Variants in MAST2 observed in about 807,000 individuals in gnomAD.
MAST2 encodes the protein microtubule associated serine/threonine kinase 2.
MAST2 carries 70 observed loss-of-function variants against 147.4 expected under a neutral mutation model. The ratio of observed to expected loss-of-function variants is 0.47; its 90% CI spans 0.39 to 0.58. The LOEUF (loss-of-function observed/expected upper bound fraction) is 0.58. Among genes scored for constraint, MAST2 ranks in the 20% least tolerant of loss-of-function variants. The probability of loss-of-function intolerance (pLI) is 0.00; values close to 1 mark genes in which losing one functional copy is unlikely to be tolerated. For missense variants in MAST2, 2,080 were observed against 2,302.3 expected, an observed-to-expected ratio of 0.90 and a Z score of 1.98; for synonymous variants, 869 against 896.8, an observed-to-expected ratio of 0.97 and a Z score of 0.55.
At chr1:45,814,882 G>A (rs1644406585) in intron 1 of MAST2, among the ~76,000 whole-genome samples, 1 of 152,176 alleles carries the variant, frequency 6.6e-6, no homozygotes, top group East Asian at 1.9e-4. Context: ...ACTTTAATTT[G>A]TGCATTTTCC....
At chr1:45,959,918 C>G (rs572004876) in intron 5 of MAST2, among the ~76,000 whole-genome samples, 1 of 152,182 alleles carries the variant, frequency 6.6e-6, no homozygotes, top group East Asian at 1.9e-4. Context: ...ATAACAAAAG[C>G]AAGAGGAGTA....
At chr1:45,847,218 A>G in intron 3 of MAST2, 1 of 529,590 alleles carries the variant, frequency 1.9e-6, no homozygotes, top group Non-Finnish European at 3.9e-6. Context: ...TGGAATCTCA[A>G]AGCCACATCC....
chr1:45,924,122 G>C (rs1259657425), intron 4 of MAST2, among the ~76,000 whole-genome samples: 1 of 152,118 alleles, frequency 6.6e-6, no homozygotes, highest in African/African-American at 2.4e-5. Context: ...GCCCACTTCA[G>C]CCTCCCAAAG....
intron 3 of MAST2, among the ~76,000 whole-genome samples, chr1:45,880,095 A>G (rs1646778221): frequency 6.6e-6 from 1 of 152,214 alleles, no homozygotes; most frequent in African/African-American, 2.4e-5. Context: ...CCTTTAACTG[A>G]GTAATTCTAC....
rs147853267 is a variant in MAST2, at chr1:45,843,162, A to C, written c.468+13581A>C. The stretch of plus-strand genomic sequence containing the variant: ...ATTTTTTTGTTGTTTTAAGTTTGTT[A>C]TATATTCTGGGTATTAGACCCTTAG... On this transcript the variant is annotated intron_variant, in intron 3 of 28. Coordinates refer to ENST00000361297, the MANE Select transcript of MAST2 (RefSeq NM_015112.3). Among the ~76,000 whole-genome samples, 490 of 151,810 alleles carry C rather than the reference A, an allele frequency of 3.2e-3. 4 individuals are homozygous for C. The highest frequency in any genetic ancestry group is 0.011 in the African/African-American group (451 of 41,414).
intron 19 of MAST2, 96 bp downstream of exon 19, chr1:46,029,663 G>A: frequency 7.2e-7 from 1 of 1,382,216 alleles, no homozygotes; most frequent in East Asian, 2.3e-5. Flanking sequence ...GTTACGGGCA[G>A]CCCCTCTGGA....
intron 9 of MAST2, among the ~76,000 whole-genome samples, chr1:46,009,953 AT>A (rs548132389): frequency 1.0e-3 from 155 of 152,300 alleles, no homozygotes; most frequent in Non-Finnish European, 1.1e-3. Context: ...TGTATCTGTC[AT>A]TTTGACATGA....
At chr1:45,962,381 C>T (rs1296009325) in intron 5 of MAST2, among the ~76,000 whole-genome samples, 1 of 151,862 alleles carries the variant, frequency 6.6e-6, no homozygotes, top group Non-Finnish European at 1.5e-5. Context: ...GTTTACAGTC[C>T]CACCAACAGT....
At chr1:45,812,446 T>C (rs1173988253) in intron 1 of MAST2, among the ~76,000 whole-genome samples, 1 of 135,708 alleles carries the variant, frequency 7.4e-6, no homozygotes, top group African/African-American at 2.8e-5. Context: ...TTTTTTTTTT[T>C]AGACGGAGTC....
In MAST2 at chr1:46,034,173, G is replaced by A; in HGVS notation, c.3775G>A (p.Glu1259Lys). 1.2e-6 allele frequency: 2 copies of A among 1,614,136 alleles called. No homozygotes were observed. The highest frequency in any genetic ancestry group is 1.7e-5 in the Admixed American group (1 of 60,014). The change falls in exon 28 of 29, where the codon GAG becomes AAG. Residue 1259 changes from glutamate (E) to lysine (K), a missense_variant. Around this residue, in one of 4 missense-constraint regions of MAST2, gnomAD observed 1,278 missense variants for 1,304.2 expected, o/e 0.98. Coordinates refer to ENST00000361297, the MANE Select transcript of MAST2 (RefSeq NM_015112.3). ...CCTTAACCGCTCCTTGTCATCAGGG[G>A]AGAGTGGGCCAGGCTCTCCCACACA... ...SSLNRSLSSG[E>K]SGPGSPTHSH...
rs1045874435 is a variant in MAST2 at position 46,019,773 on chromosome 1, A to C, written c.1290+76A>C. 6 of 1,253,102 alleles carry C rather than the reference A, an allele frequency of 4.8e-6. No individual in the cohort carries two copies. The African/African-American group carries it at 8.9e-5, about 18-fold the overall frequency. 77.6% of individuals were successfully genotyped at this position (1,253,102 alleles called of 1,614,324 possible). The stretch of plus-strand genomic sequence containing the variant: ...GAGGAAGTATCCTGATGACAGCAAA[A>C]CTGTGGTGGTAACCACTGCCATTTC... On this transcript the variant is annotated intron_variant, in intron 11 of 28. Coordinates refer to ENST00000361297, the MANE Select transcript of MAST2 (RefSeq NM_015112.3).
chr1:45,820,325 G>A (rs746840239), intron 1 of MAST2, among the ~76,000 whole-genome samples: 18 of 152,316 alleles, frequency 1.2e-4, no homozygotes, highest in South Asian at 8.3e-4. Context: ...TACCCCACAT[G>A]CAGAGGCAAC....
At chr1:45,968,766 T>G (rs1643752654) in intron 5 of MAST2, among the ~76,000 whole-genome samples, 1 of 152,090 alleles carries the variant, frequency 6.6e-6, no homozygotes, top group Non-Finnish European at 1.5e-5. Context: ...TTTTATGTCA[T>G]TATTGCTTCA....
Position 46,031,211 on chromosome 1 carries a change from G to A in MAST2, c.2913G>A (p.Gly971=), listed in dbSNP as rs1302007155. The change falls in exon 23 of 29, where the codon GGG becomes GGA. Residue 971 remains glycine, a synonymous_variant. Transcript: ENST00000361297. The surrounding 1 kb of genome is among the most constrained non-coding windows in gnomAD (Gnocchi z 4.1). ...CCCCATCTGGAGAGGGGGTATCTGG[G>A]CCTGTCACTGAACACTCAGGGGAGC... ...LTPPSGEGVS[G]PVTEHSGEQR... 2.6e-6 allele frequency: 4 copies of A among 1,556,894 alleles called. No homozygotes were observed. The South Asian group carries it at 3.6e-5, about 14-fold the overall frequency.
rs903478715 is a variant in MAST2, at chr1:46,030,238, G to A, written c.2553G>A (p.Lys851=). The A allele has an allele frequency of 1.2e-6, 2 of 1,613,882 alleles. No individual in the cohort carries two copies. The highest frequency in any genetic ancestry group is 1.7e-6 in the Non-Finnish European group (2 of 1,179,866). ...QFSSCSPRFN[K]VYSSMERLSL... ...CTTCCTGCTCTCCAAGGTTCAACAA[G>A]GTGTGACTGAGGAGGCCCAGAATGG... The change falls in exon 21 of 29, where the codon AAG becomes AAA. Residue 851 remains lysine, a splice_region_variant and synonymous_variant. Transcript: ENST00000361297.
chr1:45,863,957 C>G (rs930152291), intron 3 of MAST2, among the ~76,000 whole-genome samples: 6 of 152,164 alleles, frequency 3.9e-5, no homozygotes, highest in African/African-American at 1.2e-4. Flanking sequence ...AGATCAGCAA[C>G]TTTCCTTTGT....
chr1:46,025,648 T>G (rs1435484715), intron 15 of MAST2, 29 bp from the exon 16 acceptor site: 2 of 1,613,544 alleles, frequency 1.2e-6, no homozygotes, highest in Non-Finnish European at 1.7e-6. Flanking sequence ...ACTGAATCCT[T>G]TCCTCATGGT....
intron 5 of MAST2, among the ~76,000 whole-genome samples, chr1:45,960,744 T>A (rs959695148): frequency 2.0e-5 from 3 of 152,166 alleles, no homozygotes; most frequent in African/African-American, 7.2e-5. Flanking sequence ...AACCTACAGT[T>A]AGTGGCAATT....
Position 46,010,910 on chromosome 1 carries a change from C to A in MAST2, c.1159C>A (p.Gln387Lys). The change falls in exon 10 of 29, where the codon CAA becomes AAA. Residue 387 changes from glutamine to lysine, a missense_variant. Transcript: ENST00000361297. ...TACATCACAATACTTCTACGAACTT[C>A]AAGATAATTTGGAGAAACTTTTACA... ...LITSQYFYEL[Q>K]DNLEKLLQDA... is the part of the protein sequence containing the mutation. The A allele has an allele frequency of 6.2e-7, 1 of 1,614,156 alleles. No individual in the cohort carries two copies. The highest frequency in any genetic ancestry group is 8.5e-7 in the Non-Finnish European group (1 of 1,180,016).
Sources: gnomAD v4.1 joint callset for allele counts (sites outside exome capture counted in the v4.1 genomes callset) on GRCh38, gnomAD v4.1.1 for gene constraint, gnomAD v4.1.1 regional missense constraint, Gnocchi (gnomAD v3.1) non-coding constraint, MANE v1.5 for transcripts, NCBI Gene and HGNC (gene_info 2026-07-23, HGNC 2026-07-21) for gene names.